OSBPL11: variants seen among roughly 807,000 people sequenced by gnomAD.
The protein encoded by OSBPL11 is oxysterol binding protein like 11.
OSBPL11 carries 33 observed loss-of-function variants against 84.4 expected under a neutral mutation model. The ratio of observed to expected loss-of-function variants is 0.39; its 90% CI spans 0.30 to 0.52. OSBPL11 has a LOEUF of 0.52. Among genes scored for constraint, OSBPL11 ranks in the 20% least tolerant of loss-of-function variants. The probability of loss-of-function intolerance (pLI) is 0.72; values close to 1 mark genes in which losing one functional copy is unlikely to be tolerated. For missense variants in OSBPL11, 736 were observed against 901.1 expected (o/e 0.82, Z 2.35); for synonymous variants, 276 against 310.2 (o/e 0.89, Z 1.16).
At chr3:125,572,817 ATT>A (rs34252858) in intron 5 of OSBPL11, among the ~76,000 whole-genome samples, 9,769 of 146,354 alleles carry the variant, frequency 0.067, 448 homozygotes, top group Non-Finnish European at 0.098. Flanking sequence ...ATATATATAT[ATT>A]TTTTATGTAT....
chr3:125,551,149 G>A (rs1407830197), intron 9 of OSBPL11, among the ~76,000 whole-genome samples: 1 of 120,114 alleles, frequency 8.3e-6, no homozygotes, highest in Non-Finnish European at 1.6e-5. Context: ...GGGCAACAGA[G>A]CAAGACCCTG....
intron 10 of OSBPL11, among the ~76,000 whole-genome samples, chr3:125,543,382 T>C (rs563062427): frequency 6.6e-6 from 1 of 151,880 alleles, no homozygotes; most frequent in Non-Finnish European, 1.5e-5. Flanking sequence ...TCCACTGGAC[T>C]CGGCCTCCCA....
rs141335347 is a variant in OSBPL11 at position 125,545,363 on chromosome 3, T to C, written c.1841+2043A>G. ...TTAACAGATGAATCAGAACTAAAAA[T>C]TGATTTTTTAGCTATAGTAACCATC... On this transcript the variant is annotated intron_variant, in intron 10 of 12. Coordinates refer to ENST00000296220, the MANE Select transcript of OSBPL11 (RefSeq NM_022776.5). Among the ~76,000 whole-genome samples, 446 of 152,342 alleles carry C rather than the reference T, an allele frequency of 2.9e-3. 5 individuals are homozygous for C. The highest frequency in any genetic ancestry group is 8.9e-3 in the African/African-American group (370 of 41,582).
At chr3:125,559,860 A>G (rs1313981278) in intron 8 of OSBPL11, among the ~76,000 whole-genome samples, 2 of 152,082 alleles carry the variant, frequency 1.3e-5, no homozygotes, top group Non-Finnish European at 2.9e-5. Flanking sequence ...CAGCTTGATT[A>G]TAGGCATGAG....
intron 7 of OSBPL11, among the ~76,000 whole-genome samples, chr3:125,560,831 TG>T (rs1936066034): frequency 6.6e-6 from 1 of 152,174 alleles, no homozygotes; most frequent in South Asian, 2.1e-4. Context: ...CCAGAGTCGC[TG>T]GGATTACAGG....
chr3:125,580,180 A>G (rs1350726357), intron 2 of OSBPL11, 140 bp from the exon 3 acceptor site: 1 of 719,900 alleles, frequency 1.4e-6, no homozygotes, highest in Non-Finnish European at 2.2e-6. Context: ...GGTACCTGGA[A>G]ACACTACACT....
rs183400574 is a variant in OSBPL11, at chr3:125,534,808, T to C, written c.2025-2794A>G. On this transcript the variant is annotated intron_variant, in intron 11 of 12. Coordinates refer to ENST00000296220, the MANE Select transcript of OSBPL11 (RefSeq NM_022776.5). ...TAACAATGTCTCATCATTGACTTAT[T>C]GTCTATGGATGTTTCATGCTATAAG... Among the ~76,000 whole-genome samples, 1,144 of 151,926 alleles carry C rather than the reference T, an allele frequency of 7.5e-3. 5 individuals carry two copies. The highest frequency in any genetic ancestry group is 0.013 in the Non-Finnish European group (858 of 67,930).
At chr3:125,572,810 T>G (rs1032365817) in intron 5 of OSBPL11, among the ~76,000 whole-genome samples, 1 of 145,484 alleles carries the variant, frequency 6.9e-6, no homozygotes, top group African/African-American at 2.5e-5. Flanking sequence ...TAATTATATA[T>G]ATATATATTT....
At chr3:125,575,044 G>A (rs182799180) in intron 5 of OSBPL11, among the ~76,000 whole-genome samples, 35 of 152,246 alleles carry the variant, frequency 2.3e-4, no homozygotes, top group East Asian at 2.1e-3. Context: ...GCTATTACAT[G>A]TTCCTCTTTT....
chr3:125,551,984 T>C (rs2979371), intron 9 of OSBPL11, among the ~76,000 whole-genome samples, 197 bp downstream of exon 9: 45,127 of 151,640 alleles, frequency 0.3, 7,391 homozygotes, highest in African/African-American at 0.44. Context: ...TTTAAGATTG[T>C]AGTTTGATAT....
Position 125,552,301 on chromosome 3 carries a change from G to A in OSBPL11, c.1534C>T (p.His512Tyr), listed in dbSNP as rs867804529. ...VRFVAEQVSH[H>Y]PPVSGFYAEC... ...GCATAAAATCCTGAGACTGGAGGATGATGAGAAACCTGCTCAGCAACAAAT... is the reference window on the plus strand; with the variant it reads ...GCATAAAATCCTGAGACTGGAGGATAATGAGAAACCTGCTCAGCAACAAAT... Residue 512 changes from histidine (H) to tyrosine (Y), a missense_variant, in exon 9 of 13, where the codon CAT becomes TAT. Coordinates refer to ENST00000296220, the MANE Select transcript of OSBPL11 (RefSeq NM_022776.5). 2 of 1,614,072 alleles carry A rather than the reference G, an allele frequency of 1.2e-6. No homozygotes were observed. Among genetic ancestry groups the A allele is most frequent in the Non-Finnish European group, 1.7e-6 (2 of 1,180,020 alleles).
chr3:125,580,885 A>T (rs1053004358), intron 2 of OSBPL11, among the ~76,000 whole-genome samples: 2 of 152,226 alleles, frequency 1.3e-5, no homozygotes, highest in African/African-American at 4.8e-5. Context: ...AGTCAAAACT[A>T]AAGATTACTT....
chr3:125,573,983 C>G (rs955481943), intron 5 of OSBPL11, among the ~76,000 whole-genome samples: 12 of 151,734 alleles, frequency 7.9e-5, no homozygotes, highest in African/African-American at 2.9e-4. Flanking sequence ...CAAACTCACA[C>G]CAATTTATAT....
chr3:125,541,261 G>A lies in OSBPL11; in HGVS notation c.1842-2628C>T, dbSNP rs1935725308. ...TAAGCTCTTTAACAGGCATGGAATG[G>A]GTCTCATCTCTATAGCCCCAGATAG... On this transcript the variant is annotated intron_variant, in intron 10 of 12. Transcript: ENST00000296220. 2.6e-5 allele frequency among the ~76,000 whole-genome samples: 4 copies of A among 152,102 alleles called. No individual in the cohort carries two copies. In the South Asian group the frequency reaches 8.3e-4, roughly 32 times the overall value.
Position 125,529,424 on chromosome 3 carries a change from G to T in OSBPL11, c.*1091C>A, listed in dbSNP as rs1935524177. On this transcript the variant is annotated 3_prime_UTR_variant, in exon 13 of 13. Coordinates refer to ENST00000296220, the MANE Select transcript of OSBPL11 (RefSeq NM_022776.5). Reference sequence around the variant, plus strand: ...TTTCCTGATACCTTTTCATTTCGTTGTTTCTTTAGCATTTAAATTTCCTCA... The same window carrying T: ...TTTCCTGATACCTTTTCATTTCGTTTTTTCTTTAGCATTTAAATTTCCTCA... 6.9e-6 allele frequency: 1 copy of T among 144,878 alleles called. No individual in the cohort carries two copies. The highest frequency in any genetic ancestry group is 1.5e-5 in the Non-Finnish European group (1 of 66,786). The allele number at this position is 144,878 out of a possible 1,614,324, so 9.0% of individuals were successfully genotyped here. A position where few individuals can be genotyped will look rare whatever the true frequency, so the allele number is the denominator to read the frequency against.
chr3:125,577,839 AG>A (rs1484675271), intron 4 of OSBPL11, among the ~76,000 whole-genome samples: 2 of 150,964 alleles, frequency 1.3e-5, no homozygotes, highest in South Asian at 2.1e-4. Context: ...AAAAAAAAAA[AG>A]AAATTAAAAA....
intron 11 of OSBPL11, among the ~76,000 whole-genome samples, chr3:125,532,956 T>C (rs1326384159): frequency 1.3e-5 from 2 of 151,786 alleles, no homozygotes; most frequent in Admixed American, 6.6e-5. Context: ...TCACACATTG[T>C]ATGATTTATA....
intron 1 of OSBPL11, among the ~76,000 whole-genome samples, chr3:125,588,030 T>C (rs1393228872): frequency 2.0e-5 from 3 of 152,106 alleles, no homozygotes; most frequent in African/African-American, 7.2e-5. Flanking sequence ...AAAACCAGCC[T>C]AGCCAACATG....
Position 125,530,206 on chromosome 3 carries a change from C to G in OSBPL11, c.*309G>C. ...GTTGTGTGTATCTGCTGCCCCTGTG[C>G]AAAAATAGGGGATTCAAACTTAACT... is the stretch of plus-strand genomic sequence containing the variant. On this transcript the variant is annotated 3_prime_UTR_variant, in exon 13 of 13. Coordinates refer to ENST00000296220, the MANE Select transcript of OSBPL11 (RefSeq NM_022776.5). 1 of 310,510 alleles carries G rather than the reference C, an allele frequency of 3.2e-6. No individual in the cohort carries two copies. Among genetic ancestry groups the G allele is most frequent in the Non-Finnish European group, 6.1e-6 (1 of 163,756 alleles). 19.2% of individuals were successfully genotyped at this position (310,510 alleles called of 1,614,324 possible).
Sources: allele counts gnomAD v4.1 joint callset (sites outside exome capture counted in the v4.1 genomes callset), GRCh38; gene constraint gnomAD v4.1.1; transcripts MANE v1.5; gene names NCBI Gene and HGNC (gene_info 2026-07-23, HGNC 2026-07-21).